Variants in IL1RAPL2 observed in about 807,000 individuals in gnomAD.
IL1RAPL2 encodes interleukin 1 receptor accessory protein like 2.
Under a neutral mutation model 44.1 loss-of-function variants are expected in IL1RAPL2, and 3 were observed. The observed-to-expected ratio is 0.07, with a 90% CI of 0.03 to 0.18. The LOEUF (loss-of-function observed/expected upper bound fraction) is 0.18, where lower values mean the gene tolerates loss of function less well. Among genes scored for constraint, IL1RAPL2 ranks in the 10% least tolerant of loss-of-function variants. IL1RAPL2 has a pLI of 1.00. For synonymous variants in IL1RAPL2, 181 were observed against 178.8 expected (o/e 1.01, Z -0.10); for missense variants, 391 against 496.4 (o/e 0.79, Z 2.02).
At chrX:105,173,831 C>A (rs1444242095) in intron 2 of IL1RAPL2, among the ~76,000 whole-genome samples, 1 of 108,997 alleles carries the variant, frequency 9.2e-6, no homozygotes, top group East Asian at 2.9e-4. Flanking sequence ...CGCCCAGGTT[C>A]TTGCAATTTT....
chrX:104,917,617 TC>T (rs1196024977), intron 2 of IL1RAPL2, among the ~76,000 whole-genome samples: 1 of 111,804 alleles, frequency 8.9e-6, no homozygotes, highest in East Asian at 2.8e-4. Flanking sequence ...CTGCCCTAAT[TC>T]CCAAACCTAG....
chrX:104,876,882 C>T (rs1416523416), intron 2 of IL1RAPL2, among the ~76,000 whole-genome samples: 4 of 109,283 alleles, frequency 3.7e-5, no homozygotes, highest in Non-Finnish European at 5.7e-5. Flanking sequence ...CTCCCCGCTC[C>T]GCCCACCCCA....
At chrX:105,162,599 A>G (rs1188073451) in intron 2 of IL1RAPL2, among the ~76,000 whole-genome samples, 1 of 112,533 alleles carries the variant, frequency 8.9e-6, no homozygotes, top group East Asian at 2.8e-4. Context: ...GAGAAATATA[A>G]TGAGTGCTTT....
At chrX:105,035,535 C>T (rs1465569368) in intron 2 of IL1RAPL2, among the ~76,000 whole-genome samples, 1 of 112,166 alleles carries the variant, frequency 8.9e-6, no homozygotes, top group East Asian at 2.8e-4. Context: ...AACTAATAGT[C>T]TCTGAGAGGT....
intron 2 of IL1RAPL2, among the ~76,000 whole-genome samples, chrX:105,035,394 AT>A (rs2031610575): frequency 9.0e-6 from 1 of 111,676 alleles, no homozygotes; most frequent in African/African-American, 3.3e-5. Flanking sequence ...CCACCCTCTT[AT>A]GTTAAGTGTC....
chrX:105,149,635 C>T (rs2033208666), intron 2 of IL1RAPL2, among the ~76,000 whole-genome samples: 1 of 110,318 alleles, frequency 9.1e-6, no homozygotes, highest in African/African-American at 3.3e-5. Context: ...AGTTCAAGAC[C>T]AGCCTGGCCA....
chrX:104,801,374 A>T (rs955909735), intron 2 of IL1RAPL2, among the ~76,000 whole-genome samples: 5 of 111,621 alleles, frequency 4.5e-5, no homozygotes, highest in Admixed American at 2.9e-4. Context: ...TATATCCACT[A>T]TTCAGATAAA....
At chrX:105,090,196 T>C (rs1004797767) in intron 2 of IL1RAPL2, among the ~76,000 whole-genome samples, 2 of 111,226 alleles carry the variant, frequency 1.8e-5, no homozygotes, top group African/African-American at 3.3e-5. Flanking sequence ...ATAAATACAG[T>C]TGTCCCTCAG....
At chrX:104,873,944 T>C (rs1356194638) in intron 2 of IL1RAPL2, among the ~76,000 whole-genome samples, 1 of 111,309 alleles carries the variant, frequency 9.0e-6, no homozygotes, top group South Asian at 3.8e-4. Context: ...ATAAGGATTA[T>C]CATAATCTGA....
At chrX:104,634,331 G>A (rs768660673) in intron 1 of IL1RAPL2, among the ~76,000 whole-genome samples, 112 of 111,886 alleles carry the variant, frequency 1.0e-3, no homozygotes, top group African/African-American at 3.4e-3. Flanking sequence ...TTGATTTGGG[G>A]TGGAGAGTTC....
chrX:105,031,455 G>C (rs1024879433), intron 2 of IL1RAPL2, among the ~76,000 whole-genome samples: 13 of 111,184 alleles, frequency 1.2e-4, no homozygotes, highest in Middle Eastern at 4.6e-3. Flanking sequence ...TAGCATGAAG[G>C]GTTGTTGAAT....
intron 1 of IL1RAPL2, among the ~76,000 whole-genome samples, chrX:104,652,637 G>T (rs1195920362): frequency 9.0e-6 from 1 of 111,444 alleles, no homozygotes; most frequent in Non-Finnish European, 1.9e-5. Context: ...ACTCATTGGA[G>T]TATAAACTTG....
chrX:104,818,653 A>G (rs1381225996), intron 2 of IL1RAPL2, among the ~76,000 whole-genome samples: 1 of 111,586 alleles, frequency 9.0e-6, no homozygotes, highest in Non-Finnish European at 1.9e-5. Context: ...GTGTAAAATC[A>G]GGACATAGAA....
intron 2 of IL1RAPL2, among the ~76,000 whole-genome samples, chrX:104,849,435 C>T (rs1343968634): frequency 2.0e-5 from 2 of 101,085 alleles, no homozygotes; most frequent in African/African-American, 3.6e-5. Context: ...TCTTGTTAAC[C>T]ACTTTTTTTC....
intron 5 of IL1RAPL2, among the ~76,000 whole-genome samples, chrX:105,276,850 T>C (rs1206364810): frequency 2.7e-5 from 3 of 111,603 alleles, no homozygotes; most frequent in Non-Finnish European, 5.6e-5. Flanking sequence ...AAAGAAAACC[T>C]GAAGTGGCCT....
intron 6 of IL1RAPL2, among the ~76,000 whole-genome samples, chrX:105,640,636 C>T (rs1044896106): frequency 1.1e-5 from 1 of 88,710 alleles, no homozygotes; most frequent in Non-Finnish European, 2.2e-5. Flanking sequence ...TTAAAGTACA[C>T]AAATTATGTA....
intron 2 of IL1RAPL2, among the ~76,000 whole-genome samples, chrX:104,910,323 T>C (rs1047890044): frequency 3.6e-5 from 4 of 112,291 alleles, no homozygotes; most frequent in African/African-American, 1.3e-4. Flanking sequence ...TCTGCGTTGC[T>C]CGTGCTGGGA....
chrX:105,328,808 G>A (rs748193008), intron 5 of IL1RAPL2, among the ~76,000 whole-genome samples: 1 of 112,186 alleles, frequency 8.9e-6, no homozygotes, highest in South Asian at 3.7e-4. Context: ...TTTTCCCACA[G>A]TATTCAACAT....
chrX:105,459,167 C>G (rs1172608076), intron 5 of IL1RAPL2, among the ~76,000 whole-genome samples: 1 of 111,406 alleles, frequency 9.0e-6, no homozygotes, highest in Admixed American at 9.6e-5. Flanking sequence ...TTTTTGAAGT[C>G]CTTACTCCAA....
Sources: allele counts gnomAD v4.1 joint callset (sites outside exome capture counted in the v4.1 genomes callset), GRCh38; gene constraint gnomAD v4.1.1; transcripts MANE v1.5; gene names NCBI Gene and HGNC (gene_info 2026-07-23, HGNC 2026-07-21).